Variants in STK33 observed in about 807,000 individuals in gnomAD.
The protein encoded by STK33 is serine/threonine kinase 33.
Under a neutral mutation model 58.0 loss-of-function variants are expected in STK33, and 52 were observed. The ratio of observed to expected loss-of-function variants is 0.90; its 90% CI spans 0.72 to 1.13. The LOEUF (loss-of-function observed/expected upper bound fraction) is 1.13. Ranked by LOEUF, STK33 falls within the 50% of genes most tolerant of loss-of-function variation. The pLI is 0.00. For synonymous variants in STK33, 215 were observed against 200.1 expected, an observed-to-expected ratio of 1.07 and a Z score of -0.63; for missense variants, 630 against 604.2, an observed-to-expected ratio of 1.04 and a Z score of -0.45.
chr11:8,530,944 G>GATGAT (rs201225709), intron 1 of STK33, among the ~76,000 whole-genome samples: 2 of 151,586 alleles, frequency 1.3e-5, no homozygotes, highest in South Asian at 4.1e-4. Flanking sequence ...GCCCACCTCA[G>GATGAT]TCTCCCAAAG....
intron 1 of STK33, among the ~76,000 whole-genome samples, chr11:8,549,009 T>C (rs1268873846): frequency 2.0e-5 from 3 of 152,160 alleles, no homozygotes; most frequent in Non-Finnish European, 4.4e-5. Context: ...GAAAGCCAAT[T>C]TATCCTTTTT....
the STK33 span, among the ~76,000 whole-genome samples, chr11:8,373,004 C>A: frequency 6.6e-6 from 1 of 152,178 alleles, no homozygotes; most frequent in African/African-American, 2.4e-5. Flanking sequence ...GCGCTTTGGG[C>A]AGTTGCAGAG....
intron 7 of STK33, 76 bp downstream of exon 7, chr11:8,464,633 T>C: frequency 6.2e-6 from 6 of 974,658 alleles, no homozygotes; most frequent in South Asian, 3.3e-5. Context: ...CTTGTGTTAG[T>C]GTAAAAAGCT....
At chr11:8,441,505 T>C (rs1376547587) in intron 11 of STK33, among the ~76,000 whole-genome samples, 1 of 152,074 alleles carries the variant, frequency 6.6e-6, no homozygotes, top group African/African-American at 2.4e-5. Context: ...GTGCATACTA[T>C]CATGCCTGGC....
chr11:8,491,922 C>G (rs941731980), intron 1 of STK33, among the ~76,000 whole-genome samples: 16 of 152,110 alleles, frequency 1.1e-4, no homozygotes, highest in African/African-American at 3.9e-4. Flanking sequence ...CCAGGCCTGC[C>G]CTAAAAGAGC....
chr11:8,448,035 T>C (rs963425646), intron 11 of STK33, among the ~76,000 whole-genome samples: 6 of 152,144 alleles, frequency 3.9e-5, no homozygotes, highest in Non-Finnish European at 5.9e-5. Context: ...CATTCACAAT[T>C]GCTACAAAGA....
rs1217585563 is a variant in STK33, at chr11:8,391,934, GGCAA to G, written c.*572_*575del. 5 of 153,566 alleles carry G rather than the reference GGCAA, an allele frequency of 3.3e-5. No individual in the cohort carries two copies. Among genetic ancestry groups the G allele is most frequent in the African/African-American group, 1.2e-4 (5 of 41,548 alleles). 9.5% of individuals were successfully genotyped at this position (153,566 alleles called of 1,614,324 possible). A position where few individuals can be genotyped will look rare whatever the true frequency, so the allele number is the denominator to read the frequency against. On this transcript the variant is annotated 3_prime_UTR_variant, in exon 16 of 16. Transcript: ENST00000687296. ...ATTGGGAATTTAGCAGCAAGTTAAT[GGCAA>G]GCAGTTACAAAATCTCCTATTTTTC... is the stretch of plus-strand genomic sequence containing the variant.
intron 1 of STK33, among the ~76,000 whole-genome samples, chr11:8,546,249 C>T (rs745951377): frequency 6.6e-6 from 1 of 152,120 alleles, no homozygotes; most frequent in East Asian, 1.9e-4. Flanking sequence ...TTAGGCTACA[C>T]TAAATTTATT....
the STK33 span, among the ~76,000 whole-genome samples, chr11:8,346,042 G>T: frequency 2.6e-5 from 4 of 152,222 alleles, no homozygotes; most frequent in African/African-American, 7.2e-5. Flanking sequence ...GCAGAAAACA[G>T]ATGGCACCCT....
chr11:8,496,870 G>A (rs958245513), intron 1 of STK33, among the ~76,000 whole-genome samples: 3 of 151,798 alleles, frequency 2.0e-5, no homozygotes, highest in Admixed American at 6.6e-5. Flanking sequence ...CACTGCGCCC[G>A]GCTGATATTT....
At chr11:8,354,472 C>CCACACACACACA in the STK33 span, among the ~76,000 whole-genome samples, 140 of 56,056 alleles carry the variant, frequency 2.5e-3, 2 homozygotes, top group African/African-American at 8.7e-3. Context: ...GTCTGCAAAA[C>CCACACACACACA]CTCACACACA....
At chr11:8,365,960 G>A in the STK33 span, among the ~76,000 whole-genome samples, 2 of 152,144 alleles carry the variant, frequency 1.3e-5, no homozygotes, top group East Asian at 1.9e-4. Flanking sequence ...TGTCTGTCTC[G>A]GTCTATTTCC....
chr11:8,494,254 A>C (rs560874481), intron 1 of STK33, among the ~76,000 whole-genome samples: 1 of 152,348 alleles, frequency 6.6e-6, no homozygotes, highest in African/African-American at 2.4e-5. Flanking sequence ...GCAAAGTCTC[A>C]GGATACAAAA....
the STK33 span, among the ~76,000 whole-genome samples, chr11:8,365,539 T>C: frequency 6.6e-6 from 1 of 152,200 alleles, no homozygotes; most frequent in African/African-American, 2.4e-5. Context: ...TCCAGGGGGC[T>C]GCTGGGAATG....
intron 8 of STK33, among the ~76,000 whole-genome samples, chr11:8,459,745 A>G (rs1211354070): frequency 2.0e-5 from 3 of 152,124 alleles, no homozygotes; most frequent in Non-Finnish European, 4.4e-5. Flanking sequence ...CAAGACAACT[A>G]AAGTTCACAG....
At chr11:8,441,975 G>A (rs962398006) in intron 11 of STK33, among the ~76,000 whole-genome samples, 4 of 151,356 alleles carry the variant, frequency 2.6e-5, no homozygotes, top group African/African-American at 9.7e-5. Flanking sequence ...TATGCAAAAG[G>A]TGCGTTTTTA....
At chr11:8,430,264 A>G (rs1488683137) in intron 14 of STK33, among the ~76,000 whole-genome samples, 1 of 152,062 alleles carries the variant, frequency 6.6e-6, no homozygotes, top group Non-Finnish European at 1.5e-5. Flanking sequence ...ATGCCTTTGA[A>G]AAGTTATTTC....
At chr11:8,524,342 A>T (rs538564468) in intron 1 of STK33, among the ~76,000 whole-genome samples, 37 of 152,308 alleles carry the variant, frequency 2.4e-4, no homozygotes, top group African/African-American at 6.7e-4. Flanking sequence ...AATAAATAAA[A>T]AACGGGAAAA....
intron 15 of STK33, among the ~76,000 whole-genome samples, chr11:8,401,808 T>C (rs1211178723): frequency 6.6e-6 from 1 of 152,146 alleles, no homozygotes; most frequent in Non-Finnish European, 1.5e-5. Context: ...GGGCAAAGGA[T>C]ATGAACGGAC....
Sources: gnomAD v4.1 joint callset for allele counts (sites outside exome capture counted in the v4.1 genomes callset) on GRCh38, gnomAD v4.1.1 for gene constraint, MANE v1.5 for transcripts, NCBI Gene and HGNC (gene_info 2026-07-23, HGNC 2026-07-21) for gene names.